NCOR2: variants seen among roughly 807,000 people sequenced by gnomAD.
NCOR2 encodes CTG repeat protein 26.
NCOR2 carries 81 observed loss-of-function variants against 262.9 expected under a neutral mutation model. That is an observed-to-expected ratio of 0.31 (90% CI 0.26 to 0.37). The LOEUF is 0.37. Among genes scored for constraint, NCOR2 ranks in the 10% least tolerant of loss-of-function variants. The pLI is 1.00. For missense variants in NCOR2, 3,385 were observed against 3,621.4 expected (o/e 0.93, Z 1.68); for synonymous variants, 1,659 against 1,559.3 (o/e 1.06, Z -1.51).
At chr12:124,542,517 G>A (rs146045459) in intron 1 of NCOR2, 1 of 152,636 alleles carries the variant, frequency 6.6e-6, no homozygotes, top group African/African-American at 2.4e-5. Context: ...GACCCTCAGC[G>A]CCCGTCCCAG....
chr12:124,482,159 A>G lies in NCOR2; in HGVS notation c.411+1437T>C, dbSNP rs1003064873. 5.9e-5 allele frequency among the ~76,000 whole-genome samples: 9 copies of G among 152,076 alleles called. No individual in the cohort carries two copies. Among genetic ancestry groups the G allele is most frequent in the African/African-American group, 2.2e-4 (9 of 41,410 alleles). ...GCTAGGAGTTCATTAACTGACCTCC[A>G]CTTTCCTGTGACAACTTGGTGAGGC... is the stretch of plus-strand genomic sequence containing the variant. On this transcript the variant is annotated intron_variant, in intron 3 of 46. Coordinates refer to ENST00000405201, the Ensembl canonical transcript of NCOR2. The surrounding 1 kb of genome is among the most constrained non-coding windows in gnomAD (Gnocchi z 6.3).
intron 20 of NCOR2, among the ~76,000 whole-genome samples, chr12:124,370,291 T>C (rs934526400): frequency 3.3e-5 from 5 of 152,220 alleles, no homozygotes; most frequent in African/African-American, 1.2e-4. Context: ...CTCACACGCA[T>C]GGGCGCGGTT....
chr12:124,438,076 G>A, intron 7 of NCOR2, 80 bp from the exon 10 acceptor site: 1 of 1,396,072 alleles, frequency 7.2e-7, no homozygotes. Context: ...TTTGCTGAGA[G>A]TGAGCCCCAA....
intron 1 of NCOR2, among the ~76,000 whole-genome samples, chr12:124,519,813 C>A (rs144022725): frequency 6.6e-6 from 1 of 152,174 alleles, no homozygotes; most frequent in Non-Finnish European, 1.5e-5. Flanking sequence ...CTCACACCAC[C>A]GCGGCATAGG....
In NCOR2 at chr12:124,437,851, C is replaced by T. The variant is rs2044449360; in HGVS notation, c.882+79G>A. ...ACACAGCTGCGGAACTGACAGGGCCCCGGCAGGTGTGGCCCCCTGTGCGCT... is the reference window on the plus strand; with the variant it reads ...ACACAGCTGCGGAACTGACAGGGCCTCGGCAGGTGTGGCCCCCTGTGCGCT... On this transcript the variant is annotated intron_variant, in intron 8 of 46. Transcript: ENST00000405201. 5.8e-6 allele frequency: 8 copies of T among 1,385,722 alleles called. No homozygotes were observed. In the South Asian group the frequency reaches 1.0e-4, roughly 17 times the overall value. 85.8% of individuals were successfully genotyped at this position (1,385,722 alleles called of 1,614,324 possible). A position where few individuals can be genotyped will look rare whatever the true frequency, so the allele number is the denominator to read the frequency against.
chr12:124,479,373 GCACACACA>G (rs200579269), intron 3 of NCOR2, among the ~76,000 whole-genome samples: 1 of 151,190 alleles, frequency 6.6e-6, no homozygotes, highest in East Asian at 2.0e-4. Flanking sequence ...GCACACTCAC[GCACACACA>G]CAAACACGCA....
Position 124,503,668 on chromosome 12 carries a change from GTGAATGGA to G in NCOR2, c.-117-8308_-117-8301del, listed in dbSNP as rs1225127830. ...GATGGATGGATGGATGGATGGACGG[GTGAATGGA>G]TGGATGGATGGATGGATGGATGGAT... On this transcript the variant is annotated intron_variant, in intron 1 of 46. Coordinates refer to the NCOR2 transcript ENST00000404621. The surrounding 1 kb of genome is among the most constrained non-coding windows in gnomAD (Gnocchi z 4.3). Among the ~76,000 whole-genome samples, 6 of 99,978 alleles carry G rather than the reference GTGAATGGA, an allele frequency of 6.0e-5. No homozygotes were observed. Among genetic ancestry groups the G allele is most frequent in the Admixed American group, 2.7e-4 (3 of 11,048 alleles). The allele number at this position is 99,978 out of a possible 152,430, so 65.6% of individuals were successfully genotyped here.
At chr12:124,498,000 C>T (rs2136924254), upstream of NCOR2, among the ~76,000 whole-genome samples, 1 of 152,256 alleles carries the variant, frequency 6.6e-6, no homozygotes, top group South Asian at 2.1e-4. The surrounding 1 kb of genome is among the most constrained non-coding windows in gnomAD (Gnocchi z 4.2). Flanking sequence ...GTCTGCAGAC[C>T]CTGGTCATCT....
Position 124,374,470 on chromosome 12 carries a change from G to C in NCOR2, c.2168-7C>G. 1 of 1,611,958 alleles carries C rather than the reference G, an allele frequency of 6.2e-7. No individual in the cohort carries two copies. The highest frequency in any genetic ancestry group is 8.5e-7 in the Non-Finnish European group (1 of 1,179,344). ...TTCCCAGAGGCATGTAAGGCTGGAA[G>C]GAAGTCAGAGAAGAGTTAGAAGTGA... On this transcript the variant is annotated splice_polypyrimidine_tract_variant and splice_region_variant and intron_variant, in intron 18 of 46. Coordinates refer to ENST00000405201, the Ensembl canonical transcript of NCOR2.
At position 124,519,582 on chromosome 12, in the gene NCOR2, G is replaced by A. The variant is rs147487800; in HGVS notation, c.-118+15983C>T. On this transcript the variant is annotated intron_variant, in intron 1 of 46. Transcript: ENST00000404621. Reference sequence around the variant, plus strand: ...AGGGGCGAGGCGGGGAGAGTTTGACGATGAGGTCAGGGAGCTAATAGGAGT... The same window carrying A: ...AGGGGCGAGGCGGGGAGAGTTTGACAATGAGGTCAGGGAGCTAATAGGAGT... Among the ~76,000 whole-genome samples the A allele has an allele frequency of 3.9e-3, 601 of 152,308 alleles. 3 individuals are homozygous for A. Among genetic ancestry groups the A allele is most frequent in the African/African-American group, 0.014 (570 of 41,576 alleles).
chr12:124,358,809 C>G (rs890807322), intron 22 of NCOR2, among the ~76,000 whole-genome samples: 8 of 152,224 alleles, frequency 5.3e-5, no homozygotes, highest in Admixed American at 3.3e-4. Flanking sequence ...TCTCTCAGGG[C>G]TCCACGGCTG....
chr12:124,354,084 G>A lies in NCOR2; in HGVS notation c.3693+9C>T. 2 of 1,606,132 alleles carry A rather than the reference G, an allele frequency of 1.2e-6. No homozygotes were observed. Among genetic ancestry groups the A allele is most frequent in the Non-Finnish European group, 1.7e-6 (2 of 1,178,276 alleles). ...AACCGTCCTTCCTGCCGCACCCCAGGACACCTACGTGGGTGATGGAGCCGC... is the reference window on the plus strand; with the variant it reads ...AACCGTCCTTCCTGCCGCACCCCAGAACACCTACGTGGGTGATGGAGCCGC... On this transcript the variant is annotated intron_variant, in intron 27 of 46. Transcript: ENST00000405201.
intron 22 of NCOR2, among the ~76,000 whole-genome samples, chr12:124,358,401 T>C (rs1244074): frequency 0.65 from 97,788 of 151,082 alleles, 32,348 homozygotes; most frequent in Middle Eastern, 0.79. Flanking sequence ...TGCATGTGTG[T>C]GCGAGTGCAT....
intron 11 of NCOR2, among the ~76,000 whole-genome samples, chr12:124,423,618 GA>G (rs2043350964): frequency 1.3e-5 from 2 of 152,208 alleles, no homozygotes; most frequent in Admixed American, 1.3e-4. Flanking sequence ...TCCAGGTAGG[GA>G]GAGTCCTTTC....
At chr12:124,388,584 C>T (rs756197053) in intron 16 of NCOR2, 8 of 1,217,272 alleles carry the variant, frequency 6.6e-6, no homozygotes, top group South Asian at 2.7e-5. Context: ...CCCAGAACTC[C>T]GACTCCCCAG....
intron 24 of NCOR2, 65 bp downstream of exon 26, chr12:124,355,367 T>G (rs575401080): frequency 1.9e-6 from 3 of 1,568,720 alleles, no homozygotes; most frequent in Non-Finnish European, 2.6e-6. Context: ...ACTTCATTGG[T>G]CCCATTGCCC....
At chr12:124,427,428 C>T (rs1374654776) in intron 10 of NCOR2, among the ~76,000 whole-genome samples, 1 of 152,232 alleles carries the variant, frequency 6.6e-6, no homozygotes, top group East Asian at 1.9e-4. Context: ...TGAGCCGCCA[C>T]TCAGCTGGGC....
intron 16 of NCOR2, among the ~76,000 whole-genome samples, chr12:124,393,961 C>A (rs1593350988): frequency 6.6e-6 from 1 of 152,278 alleles, no homozygotes; most frequent in African/African-American, 2.4e-5. Context: ...TGGTGGCCCC[C>A]AGCACCATGG....
At chr12:124,487,507 T>C (rs2047831943) in intron 1 of NCOR2, among the ~76,000 whole-genome samples, 1 of 152,272 alleles carries the variant, frequency 6.6e-6, no homozygotes, top group Non-Finnish European at 1.5e-5. Context: ...GCCTTGGCCT[T>C]GGCCTTGCGG....
Sources: gnomAD v4.1 joint callset for allele counts (sites outside exome capture counted in the v4.1 genomes callset) on GRCh38, gnomAD v4.1.1 for gene constraint, Gnocchi (gnomAD v3.1) non-coding constraint, MANE v1.5 for transcripts, NCBI Gene and HGNC (gene_info 2026-07-23, HGNC 2026-07-21) for gene names.